LRSAM1: variants seen among roughly 807,000 people sequenced by gnomAD.
LRSAM1 encodes leucine rich repeat and sterile alpha motif containing 1, also known as E3 ubiquitin-protein ligase LRSAM1.
LRSAM1 carries 96 observed loss-of-function variants against 118.1 expected under a neutral mutation model. That is an observed-to-expected ratio of 0.81 (90% CI 0.69 to 0.96). The LOEUF is 0.96. Among genes scored for constraint, LRSAM1 ranks in the 40% least tolerant of loss-of-function variants. LRSAM1 has a pLI of 0.00. For synonymous variants in LRSAM1, 322 were observed against 364.2 expected (o/e 0.88, Z 1.32); for missense variants, 804 against 915.5 (o/e 0.88, Z 1.57).
At chr9:127,459,331 G>A (rs1834649811) in intron 7 of LRSAM1, among the ~76,000 whole-genome samples, 1 of 150,352 alleles carries the variant, frequency 6.7e-6, no homozygotes, top group African/African-American at 2.5e-5. Context: ...CGATTCTCCT[G>A]CCTCAGCCTC....
chr9:127,479,703 GGGA>G (rs764759436), intron 13 of LRSAM1, 133 bp from the exon 14 acceptor site: 19 of 1,357,982 alleles, frequency 1.4e-5, no homozygotes, highest in Non-Finnish European at 1.9e-5. Flanking sequence ...GTAGCCTACT[GGGA>G]GGAGCTGGCC....
At chr9:127,466,931 G>A (rs1248512718) in intron 9 of LRSAM1, among the ~76,000 whole-genome samples, 2 of 152,086 alleles carry the variant, frequency 1.3e-5, no homozygotes, top group Non-Finnish European at 2.9e-5. Flanking sequence ...TAAACCTGGG[G>A]AGGTCGAGAC....
At position 127,465,234 on chromosome 9, in the gene LRSAM1, C is replaced by T. The variant is rs1244768542; in HGVS notation, c.529-2506C>T. Among the ~76,000 whole-genome samples the T allele has an allele frequency of 1.3e-5, 2 of 152,158 alleles. No individual in the cohort carries two copies. Among genetic ancestry groups the T allele is most frequent in the South Asian group, 2.1e-4 (1 of 4,834 alleles). ...TGAAGCCATGGCGGTGTCTTTGGCA[C>T]AGCAATGTCCAGTCACTGCTCCTGC... On this transcript the variant is annotated intron_variant, in intron 9 of 25. Coordinates refer to ENST00000300417, the MANE Select transcript of LRSAM1 (RefSeq NM_001005373.4). The surrounding 1 kb of genome is among the most constrained non-coding windows in gnomAD (Gnocchi z 4.1).
chr9:127,498,022 T>C (rs1836221699), intron 24 of LRSAM1, among the ~76,000 whole-genome samples: 1 of 152,150 alleles, frequency 6.6e-6, no homozygotes, highest in South Asian at 2.1e-4. Context: ...CCTGCCTCCC[T>C]GGGGAAGAGG....
chr9:127,452,438 G>A (rs1038587934), intron 2 of LRSAM1: 1 of 152,330 alleles, frequency 6.6e-6, no homozygotes, highest in African/African-American at 2.4e-5. Flanking sequence ...CCGCCCCCGT[G>A]GGTGCAGAGC....
rs1835471012 is a variant in LRSAM1 at position 127,479,873 on chromosome 9, A to C, written c.938A>C (p.His313Pro). The change falls in exon 14 of 26, where the codon CAC becomes CCC. Residue 313 changes from histidine (H) to proline (P), a missense_variant. Coordinates refer to ENST00000300417, the MANE Select transcript of LRSAM1 (RefSeq NM_001005373.4). ...CGGCTGGAGCAGGGCCTGAGTGAGC[A>C]CCAGCGCCACCTCAACGCAGAGCGG... ...QSRLEQGLSE[H>P]QRHLNAERQR... The C allele has an allele frequency of 6.2e-7, 1 of 1,612,306 alleles. No homozygotes were observed. Among genetic ancestry groups the C allele is most frequent in the Admixed American group, 1.7e-5 (1 of 59,908 alleles).
chr9:127,487,777 CA>C lies in LRSAM1; in HGVS notation c.1347+15del. 6.2e-7 allele frequency: 1 copy of C among 1,609,474 alleles called. No homozygotes were observed. Among genetic ancestry groups the C allele is most frequent in the Non-Finnish European group, 8.5e-7 (1 of 1,177,506 alleles). On this transcript the variant is annotated intron_variant, in intron 18 of 25. Transcript: ENST00000300417. ...ATCCTGCAGGAGGTGAGCCCTCGCC[CA>C]GAGCCTGAGGGTGGGAGCTCAGGAG...
At chr9:127,458,971 C>T (rs1350951190) in intron 6 of LRSAM1, 32 bp from the exon 7 acceptor site, 1 of 1,611,792 alleles carries the variant, frequency 6.2e-7, no homozygotes, top group African/African-American at 1.3e-5. Flanking sequence ...GACTTTCTCA[C>T]TTGGAGACTC....
intron 11 of LRSAM1, among the ~76,000 whole-genome samples, chr9:127,477,248 G>A (rs965453944): frequency 5.3e-5 from 8 of 152,190 alleles, no homozygotes; most frequent in African/African-American, 1.4e-4. Context: ...GGCTGGAGTG[G>A]TCAGTAGATG....
intron 9 of LRSAM1, 54 bp downstream of exon 9, chr9:127,462,427 T>C: frequency 9.3e-6 from 15 of 1,611,884 alleles, no homozygotes; most frequent in Middle Eastern, 1.7e-4. Flanking sequence ...CCACCTCCCC[T>C]CTCTCCCACA....
chr9:127,501,226 CGT>C, intron 25 of LRSAM1, 83 bp downstream of exon 25: 10 of 1,525,196 alleles, frequency 6.6e-6, no homozygotes, highest in Non-Finnish European at 8.8e-6. Flanking sequence ...TGTCTCTGAA[CGT>C]GTTTTCTCCA....
At chr9:127,489,601 TG>T (rs1835857652) in intron 19 of LRSAM1, 83 bp downstream of exon 19, 1 of 1,468,914 alleles carries the variant, frequency 6.8e-7, no homozygotes, top group Non-Finnish European at 9.3e-7. Context: ...TCGCAGCAGT[TG>T]AGGTTTGAAC....
intron 11 of LRSAM1, among the ~76,000 whole-genome samples, chr9:127,478,587 G>T (rs748478852): frequency 6.6e-6 from 1 of 152,208 alleles, no homozygotes. Context: ...GGTGCTGTAG[G>T]TGTGTTACGC....
chr9:127,489,530 G>T lies in LRSAM1; in HGVS notation c.1422+12G>T. The T allele has an allele frequency of 6.2e-7, 1 of 1,602,498 alleles. No homozygotes were observed. Among genetic ancestry groups the T allele is most frequent in the Non-Finnish European group, 8.5e-7 (1 of 1,176,134 alleles). ...AGATCAGGAGCCAGGTGAGCGCTGG[G>T]GCTGGGGTCCCTGGACCTGCTCTCT... On this transcript the variant is annotated intron_variant, in intron 19 of 25. Coordinates refer to ENST00000300417, the MANE Select transcript of LRSAM1 (RefSeq NM_001005373.4).
At chr9:127,458,949 C>G (rs547011071) in intron 6 of LRSAM1, 54 bp from the exon 7 acceptor site, 1 of 1,593,278 alleles carries the variant, frequency 6.3e-7, no homozygotes, top group Non-Finnish European at 8.6e-7. Flanking sequence ...CTCTGGAGCC[C>G]GGAGTCTGAG....
Position 127,485,816 on chromosome 9 carries a change from G to A in LRSAM1, c.1240G>A (p.Val414Ile), listed in dbSNP as rs1377227464. Reference sequence around the variant, plus strand: ...CTACGAATCTCAGAGGCAGAACTTGGTCCAGCAGGCCTGTTCCAGGTAAGG... The same window carrying A: ...CTACGAATCTCAGAGGCAGAACTTGATCCAGCAGGCCTGTTCCAGGTAAGG... ...MAYESQRQNLVQQACSSMAEM... is the reference protein window; with the variant it reads ...MAYESQRQNLIQQACSSMAEM... Residue 414 changes from valine to isoleucine, a missense_variant, in exon 17 of 26, where the codon GTC (valine) becomes ATC (isoleucine). Val to Ile is a conservative substitution (Grantham distance 29, BLOSUM62 3). Coordinates refer to ENST00000300417, the MANE Select transcript of LRSAM1 (RefSeq NM_001005373.4). 1 of 1,614,182 alleles carries A rather than the reference G, an allele frequency of 6.2e-7. No homozygotes were observed. Among genetic ancestry groups the A allele is most frequent in the Non-Finnish European group, 8.5e-7 (1 of 1,180,018 alleles).
At chr9:127,495,492 A>G (rs2132110780) in intron 22 of LRSAM1, 74 bp downstream of exon 22, 1 of 1,208,164 alleles carries the variant, frequency 8.3e-7, no homozygotes, top group Non-Finnish European at 1.2e-6. Context: ...TGGTGCCTCC[A>G]CCATGCTCTG....
intron 16 of LRSAM1, among the ~76,000 whole-genome samples, chr9:127,483,229 G>A (rs547482275): frequency 2.0e-5 from 3 of 152,260 alleles, no homozygotes; most frequent in African/African-American, 7.2e-5. Context: ...TGTGACCTTA[G>A]GGACATTACT....
At chr9:127,491,395 C>A in intron 20 of LRSAM1, 100 bp downstream of exon 20, 2 of 889,112 alleles carry the variant, frequency 2.2e-6, no homozygotes, top group South Asian at 1.4e-5. Context: ...CCCTGGGAGT[C>A]AAGGGCTTCC....
Sources: gnomAD v4.1 joint callset for allele counts (sites outside exome capture counted in the v4.1 genomes callset) on GRCh38, gnomAD v4.1.1 for gene constraint, Gnocchi (gnomAD v3.1) non-coding constraint, MANE v1.5 for transcripts, NCBI Gene and HGNC (gene_info 2026-07-23, HGNC 2026-07-21) for gene names.